Variants in AOX1 observed in about 807,000 individuals in gnomAD.
AOX1 encodes aldehyde oxidase 1.
Under a neutral mutation model 169.5 loss-of-function variants are expected in AOX1, and 153 were observed. The ratio of observed to expected loss-of-function variants is 0.90; its 90% CI spans 0.79 to 1.03. AOX1 has a LOEUF of 1.03. Among genes scored for constraint, AOX1 ranks in the 50% least tolerant of loss-of-function variants. The probability of loss-of-function intolerance (pLI) is 0.00; values close to 1 mark genes in which losing one functional copy is unlikely to be tolerated. For synonymous variants in AOX1, 562 were observed against 581.9 expected, an observed-to-expected ratio of 0.97 and a Z score of 0.49; for missense variants, 1,656 against 1,663.9, an observed-to-expected ratio of 1.00 and a Z score of 0.08.
chr2:200,592,582 T>C (rs979942408), intron 1 of AOX1, among the ~76,000 whole-genome samples: 3 of 152,246 alleles, frequency 2.0e-5, no homozygotes, highest in South Asian at 2.1e-4. Flanking sequence ...TGCCTAAGTA[T>C]GTCCTTGCTG....
In AOX1 at chr2:200,623,979, T is replaced by G; in HGVS notation, c.2120T>G (p.Ile707Ser). The stretch of plus-strand genomic sequence containing the variant: ...GACTTGGAGCCGCTGATACTAACAA[T>G]TGAGGTAATGAGTTCTGTGGAATGG... ...YQDLEPLILTIEESIQHNSSF... is the reference protein window; with the variant it reads ...YQDLEPLILTSEESIQHNSSF... Residue 707 changes from isoleucine to serine, a missense_variant, in exon 19 of 35, where the codon ATT (isoleucine) becomes AGT (serine). Ile to Ser is a moderately radical substitution (Grantham distance 142). Transcript: ENST00000374700. 2 of 1,614,034 alleles carry G rather than the reference T, an allele frequency of 1.2e-6. No homozygotes were observed. The highest frequency in any genetic ancestry group is 2.2e-5 in the South Asian group (2 of 91,084).
intron 27 of AOX1, among the ~76,000 whole-genome samples, chr2:200,657,168 AT>A (rs1389463173): frequency 3.0e-5 from 2 of 67,464 alleles, no homozygotes; most frequent in East Asian, 1.5e-3. Flanking sequence ...TACCAAAAAT[AT>A]ATATATATAT....
At chr2:200,668,119 T>C (rs916411880) in intron 32 of AOX1, among the ~76,000 whole-genome samples, 5 of 151,652 alleles carry the variant, frequency 3.3e-5, no homozygotes, top group African/African-American at 1.2e-4. Flanking sequence ...TATTTTTTTT[T>C]TTTGAGACTA....
chr2:200,586,214 G>T (rs1480120440), intron 1 of AOX1, 61 bp downstream of exon 1: 2 of 1,474,784 alleles, frequency 1.4e-6, no homozygotes, highest in Non-Finnish European at 1.8e-6. Flanking sequence ...GCAGAGAGGA[G>T]CCCCTGCCGT....
intron 3 of AOX1, among the ~76,000 whole-genome samples, chr2:200,596,215 T>C (rs2034280722): frequency 6.6e-6 from 1 of 152,262 alleles, no homozygotes; most frequent in African/African-American, 2.4e-5. Context: ...AACTACCTGC[T>C]GTCTGAACTC....
downstream of AOX1, among the ~76,000 whole-genome samples, chr2:200,672,554 G>A (rs2036044532): frequency 6.6e-6 from 1 of 152,188 alleles, no homozygotes; most frequent in Non-Finnish European, 1.5e-5. Context: ...TCTGTGCCAG[G>A]CACTGTACTA....
chr2:200,650,748 C>G lies in AOX1; in HGVS notation c.2848-226C>G, dbSNP rs558211659. ...AAAGGTTCCATCCTTTAAAGTTGCACAAGAGTAGCATAGAAAGCACATAAG... is the reference window on the plus strand; with the variant it reads ...AAAGGTTCCATCCTTTAAAGTTGCAGAAGAGTAGCATAGAAAGCACATAAG... On this transcript the variant is annotated intron_variant, in intron 25 of 34. Transcript: ENST00000374700. Among the ~76,000 whole-genome samples the G allele has an allele frequency of 6.6e-5, 10 of 152,280 alleles. No individual in the cohort carries two copies. In the South Asian group the frequency reaches 2.1e-3, roughly 32 times the overall value.
chr2:200,613,581 T>C (rs2034689919), intron 14 of AOX1, among the ~76,000 whole-genome samples: 1 of 152,210 alleles, frequency 6.6e-6, no homozygotes, highest in African/African-American at 2.4e-5. Context: ...TCTAGATCAT[T>C]CTGTGAGTTG....
chr2:200,669,828 ACTGCTGTGGCTTTT>A, intron 34 of AOX1, 86 bp downstream of exon 34: 1 of 1,417,202 alleles, frequency 7.1e-7, no homozygotes, highest in Non-Finnish European at 9.7e-7. Context: ...TCGTGAACGC[ACTGCTGTGGCTTTT>A]CTTGCCAGAA....
intron 9 of AOX1, 119 bp downstream of exon 9, chr2:200,604,959 G>A: frequency 2.2e-6 from 2 of 904,168 alleles, no homozygotes; most frequent in Non-Finnish European, 1.7e-6. Context: ...GTCTGAAATA[G>A]CATTTTTAAT....
In AOX1 at chr2:200,621,202, T is replaced by G. The variant is rs777540108; in HGVS notation, c.1957T>G (p.Phe653Val). Residue 653 changes from phenylalanine to valine, a missense_variant, in exon 18 of 35, where the codon TTC (phenylalanine) becomes GTC (valine). Transcript: ENST00000374700. ...AGAACATCTTAGTGACGTCAACTCC[T>G]TCTGCTTTTTTACTGAAGCTGAGAA... ...TAEHLSDVNS[F>V]CFFTEAEKFL... is the part of the protein sequence containing the mutation. The G allele has an allele frequency of 2.5e-6, 4 of 1,613,876 alleles. No individual in the cohort carries two copies. The highest frequency in any genetic ancestry group is 2.5e-6 in the Non-Finnish European group (3 of 1,179,956).
In AOX1 at chr2:200,595,348, C is replaced by A. The variant is rs1316788488; in HGVS notation, c.180C>A (p.Asn60Lys). Residue 60 changes from asparagine (N) to lysine (K), a missense_variant, in exon 3 of 35, where the codon AAC becomes AAA. Asn to Lys is a moderately conservative substitution (Grantham distance 94, BLOSUM62 0). Coordinates refer to ENST00000374700, the MANE Select transcript of AOX1 (RefSeq NM_001159.4). Reference sequence around the variant, plus strand: ...GTACAGTGATGATATCACGATACAACCCCATCACCAAGAGGATAAGGTACC... The same window carrying A: ...GTACAGTGATGATATCACGATACAAACCCATCACCAAGAGGATAAGGTACC... ...GACTVMISRY[N>K]PITKRIRHHP... The A allele has an allele frequency of 1.2e-6, 2 of 1,612,342 alleles. No homozygotes were observed. The highest frequency in any genetic ancestry group is 1.7e-6 in the Non-Finnish European group (2 of 1,178,834).
chr2:200,628,930 C>T (rs532386785), intron 20 of AOX1, among the ~76,000 whole-genome samples: 1 of 148,236 alleles, frequency 6.7e-6, no homozygotes, highest in South Asian at 2.1e-4. Context: ...CCATCTCAAA[C>T]AAACAAACAA....
At chr2:200,660,165 C>T in intron 29 of AOX1, 96 bp downstream of exon 29, 1 of 1,029,922 alleles carries the variant, frequency 9.7e-7, no homozygotes, top group South Asian at 1.4e-5. Flanking sequence ...GTAGAAAGGG[C>T]ATTTGCAAAG....
At chr2:200,660,176 G>T (rs2035793086) in intron 29 of AOX1, 107 bp downstream of exon 29, 5 of 891,166 alleles carry the variant, frequency 5.6e-6, no homozygotes, top group Non-Finnish European at 9.0e-6. Context: ...ATTTGCAAAG[G>T]TACCACCATT....
chr2:200,587,322 A>G (rs577216873), intron 1 of AOX1, among the ~76,000 whole-genome samples: 1 of 152,288 alleles, frequency 6.6e-6, no homozygotes, highest in African/African-American at 2.4e-5. Flanking sequence ...ACAACCAAGC[A>G]AGAGCAGTGG....
intron 10 of AOX1, among the ~76,000 whole-genome samples, chr2:200,607,446 T>A (rs1477351233): frequency 3.9e-5 from 6 of 152,154 alleles, no homozygotes; most frequent in Admixed American, 3.9e-4. Context: ...AGAATGGTGA[T>A]TATTAAAAAG....
downstream of AOX1, among the ~76,000 whole-genome samples, chr2:200,674,817 A>C (rs2036074304): frequency 6.6e-6 from 1 of 152,070 alleles, no homozygotes; most frequent in Non-Finnish European, 1.5e-5. Context: ...AATTGACTAC[A>C]CTGAACCCTT....
intron 20 of AOX1, among the ~76,000 whole-genome samples, chr2:200,631,457 C>G (rs1467786638): frequency 6.6e-6 from 1 of 152,218 alleles, no homozygotes; most frequent in African/African-American, 2.4e-5. Context: ...TCCTGCTGGG[C>G]ATGGTACAGA....
Sources: allele counts gnomAD v4.1 joint callset (sites outside exome capture counted in the v4.1 genomes callset), GRCh38; gene constraint gnomAD v4.1.1; transcripts MANE v1.5; gene names NCBI Gene and HGNC (gene_info 2026-07-23, HGNC 2026-07-21).